Variants in LRP1B observed in about 807,000 individuals in gnomAD.
LRP1B encodes LDL receptor related protein 1B, also known as low-density lipoprotein receptor-related protein 1B.
In LRP1B, 217 loss-of-function variants were observed where a neutral mutation model predicts 556.6. The observed-to-expected ratio is 0.39, with a 90% CI of 0.35 to 0.44. The LOEUF (loss-of-function observed/expected upper bound fraction) is 0.44, where lower values mean the gene tolerates loss of function less well. LRP1B is among the 20% of genes least tolerant of loss of function. The pLI is 1.00. For missense variants in LRP1B, 5,053 were observed against 5,620.8 expected (o/e 0.90, Z 3.23); for synonymous variants, 2,047 against 1,865.8 (o/e 1.10, Z -2.50).
intron 74 of LRP1B, among the ~76,000 whole-genome samples, chr2:140,357,337 T>C (rs886262475): frequency 6.6e-6 from 1 of 151,506 alleles, no homozygotes; most frequent in Admixed American, 6.6e-5. Context: ...CTGGTGGGTA[T>C]TGCTTCATCC....
At chr2:141,888,582 G>C (rs1222951748) in intron 1 of LRP1B, among the ~76,000 whole-genome samples, 2 of 152,122 alleles carry the variant, frequency 1.3e-5, no homozygotes, top group African/African-American at 4.8e-5. Context: ...GCTGATAATA[G>C]GGGAAAATAT....
chr2:141,226,697 T>G, intron 6 of LRP1B, among the ~76,000 whole-genome samples: 1 of 152,230 alleles, frequency 6.6e-6, no homozygotes, highest in East Asian at 1.9e-4. Context: ...TTTATGTAAT[T>G]ATAGATGCAA....
At chr2:141,081,927 C>T (rs1525603) in intron 7 of LRP1B, among the ~76,000 whole-genome samples, 128,865 of 151,928 alleles carry the variant, frequency 0.85, 54,988 homozygotes, top group Non-Finnish European at 0.89. Context: ...AAAATACAAA[C>T]GGATTTTCCA....
intron 67 of LRP1B, 26 bp downstream of exon 67, chr2:140,385,867 A>T (rs2105198226): frequency 6.6e-7 from 1 of 1,504,672 alleles, no homozygotes; most frequent in Non-Finnish European, 9.2e-7. Context: ...TCAAGCTCAA[A>T]ACATTATTAG....
intron 3 of LRP1B, among the ~76,000 whole-genome samples, chr2:141,329,576 G>A (rs1687558164): frequency 6.7e-6 from 1 of 150,032 alleles, no homozygotes; most frequent in African/African-American, 2.5e-5. Context: ...CCTGGGAGGC[G>A]GAGCTTGCAG....
intron 2 of LRP1B, among the ~76,000 whole-genome samples, chr2:141,709,732 G>T (rs1692286361): frequency 6.6e-6 from 1 of 152,190 alleles, no homozygotes; most frequent in African/African-American, 2.4e-5. Context: ...AAGGGAAAAA[G>T]AGATGGCTAA....
At chr2:140,943,103 A>G (rs746944081) in intron 20 of LRP1B, among the ~76,000 whole-genome samples, 3 of 152,154 alleles carry the variant, frequency 2.0e-5, no homozygotes, top group Non-Finnish European at 4.4e-5. Context: ...TATCACACAA[A>G]TGGAAAACGA....
At chr2:141,995,769 G>C (rs1047721748) in intron 1 of LRP1B, among the ~76,000 whole-genome samples, 2 of 152,050 alleles carry the variant, frequency 1.3e-5, no homozygotes, top group African/African-American at 4.8e-5. Context: ...TTCAAGAAAC[G>C]TAAATATAAA....
intron 7 of LRP1B, among the ~76,000 whole-genome samples, chr2:141,120,208 T>C (rs1701012141): frequency 6.6e-6 from 1 of 151,908 alleles, no homozygotes; most frequent in African/African-American, 2.4e-5. Context: ...TTACTTTATA[T>C]GAAATACTTG....
chr2:141,123,497 T>C (rs1422258646), intron 7 of LRP1B, among the ~76,000 whole-genome samples: 4 of 152,110 alleles, frequency 2.6e-5, no homozygotes, highest in Non-Finnish European at 2.9e-5. Context: ...AAAGCATCTA[T>C]GTTTTGAAAA....
intron 3 of LRP1B, 38 bp from the exon 4 acceptor site, chr2:141,254,679 T>A: frequency 6.8e-7 from 1 of 1,471,598 alleles, no homozygotes; most frequent in Non-Finnish European, 9.4e-7. Flanking sequence ...TATATTTAAC[T>A]GTATATGTAA....
intron 2 of LRP1B, among the ~76,000 whole-genome samples, chr2:141,530,330 A>C (rs562494140): frequency 6.6e-6 from 1 of 152,258 alleles, no homozygotes; most frequent in East Asian, 1.9e-4. Flanking sequence ...CAAAAGGTCA[A>C]TATCACCAAA....
intron 77 of LRP1B, 83 bp downstream of exon 77, chr2:140,350,714 A>T (rs1398071214): frequency 8.7e-7 from 1 of 1,143,746 alleles, no homozygotes; most frequent in East Asian, 2.7e-5. Flanking sequence ...TAGTATAATT[A>T]GATATTATAT....
intron 21 of LRP1B, among the ~76,000 whole-genome samples, chr2:140,910,999 G>A (rs755028614): frequency 6.6e-6 from 1 of 151,724 alleles, no homozygotes; most frequent in African/African-American, 2.4e-5. Context: ...TATATATTAG[G>A]GAAAGGAAAG....
At chr2:141,796,316 G>T (rs1044274388) in intron 2 of LRP1B, among the ~76,000 whole-genome samples, 7 of 151,904 alleles carry the variant, frequency 4.6e-5, no homozygotes, top group African/African-American at 1.7e-4. Flanking sequence ...ATACCTTCAA[G>T]AATCCACTTA....
chr2:141,519,107 T>C (rs934482053), intron 2 of LRP1B, among the ~76,000 whole-genome samples: 2 of 152,032 alleles, frequency 1.3e-5, no homozygotes, highest in Non-Finnish European at 2.9e-5. Context: ...AAAGTGTCTT[T>C]GTCTGCTGTG....
chr2:141,330,795 C>T (rs1402580008), intron 3 of LRP1B, among the ~76,000 whole-genome samples: 4 of 146,582 alleles, frequency 2.7e-5, no homozygotes, highest in Non-Finnish European at 4.5e-5. Flanking sequence ...CTCCGTCGCC[C>T]AGGCTGGAGT....
At chr2:140,564,921 T>C (rs1397877732) in intron 43 of LRP1B, among the ~76,000 whole-genome samples, 3 of 152,070 alleles carry the variant, frequency 2.0e-5, no homozygotes, top group Non-Finnish European at 2.9e-5. Flanking sequence ...AACATTGATA[T>C]CCTGAAAGAT....
intron 32 of LRP1B, among the ~76,000 whole-genome samples, chr2:140,781,680 C>T (rs1689702842): frequency 6.6e-6 from 1 of 152,110 alleles, no homozygotes; most frequent in Non-Finnish European, 1.5e-5. Flanking sequence ...AAAATAGTCA[C>T]GGTTCAATTC....
Sources: gnomAD v4.1 joint callset for allele counts (sites outside exome capture counted in the v4.1 genomes callset) on GRCh38, gnomAD v4.1.1 for gene constraint, MANE v1.5 for transcripts, NCBI Gene and HGNC (gene_info 2026-07-23, HGNC 2026-07-21) for gene names.